Variants in MORC3 observed in about 807,000 individuals in gnomAD.
MORC3 encodes the protein MORC family CW-type zinc finger protein 3.
Under a neutral mutation model 109.1 loss-of-function variants are expected in MORC3, and 31 were observed. The observed-to-expected ratio is 0.28, with a 90% CI of 0.21 to 0.38. MORC3 has a LOEUF of 0.38. MORC3 is among the 10% of genes least tolerant of loss of function. The pLI, the probability that MORC3 is intolerant of heterozygous loss-of-function variation, is 1.00. For synonymous variants in MORC3, 395 were observed against 380.7 expected, an observed-to-expected ratio of 1.04 and a Z score of -0.44; for missense variants, 867 against 1,135.8, an observed-to-expected ratio of 0.76 and a Z score of 3.40.
intron 1 of MORC3, among the ~76,000 whole-genome samples, chr21:36,331,227 C>T (rs1453297627): frequency 6.6e-6 from 1 of 152,164 alleles, no homozygotes; most frequent in African/African-American, 2.4e-5. Context: ...AGGAGAGAAT[C>T]TGTTCAGAAT....
intron 14 of MORC3, among the ~76,000 whole-genome samples, chr21:36,365,908 G>GGA (rs1313436265): frequency 1.3e-5 from 2 of 151,906 alleles, no homozygotes; most frequent in Non-Finnish European, 2.9e-5. Context: ...CCTGTGTATT[G>GGA]GACACTCATT....
intron 10 of MORC3, among the ~76,000 whole-genome samples, chr21:36,359,551 C>T (rs1177837110): frequency 1.4e-5 from 2 of 139,568 alleles, no homozygotes; most frequent in Non-Finnish European, 1.5e-5. Flanking sequence ...CTTTCCTTTC[C>T]TCTCCTTTTT....
At chr21:36,329,300 C>CAA (rs777499520) in intron 1 of MORC3, among the ~76,000 whole-genome samples, 4 of 129,774 alleles carry the variant, frequency 3.1e-5, no homozygotes, top group African/African-American at 1.1e-4. Flanking sequence ...ATCTCAAAAA[C>CAA]AAAAAAAAAA....
chr21:36,332,148 T>A (rs1601512125), intron 1 of MORC3, among the ~76,000 whole-genome samples: 1 of 148,152 alleles, frequency 6.7e-6, no homozygotes, highest in East Asian at 2.0e-4. Flanking sequence ...CTGAAAAAAA[T>A]AAGAGGCTGG....
At chr21:36,374,264 A>G (rs1303384481) in intron 16 of MORC3, among the ~76,000 whole-genome samples, 1 of 151,910 alleles carries the variant, frequency 6.6e-6, no homozygotes, top group African/African-American at 2.4e-5. Flanking sequence ...TACATTTTGT[A>G]TTTTTAGGGA....
intron 1 of MORC3, among the ~76,000 whole-genome samples, chr21:36,328,308 C>G (rs1039253317): frequency 1.5e-5 from 2 of 137,470 alleles, no homozygotes; most frequent in African/African-American, 2.6e-5. Context: ...AGTGGAACAT[C>G]TTTTGTTATT....
At chr21:36,332,207 G>C (rs1052531743) in intron 1 of MORC3, among the ~76,000 whole-genome samples, 1 of 151,928 alleles carries the variant, frequency 6.6e-6, no homozygotes, top group African/African-American at 2.4e-5. Context: ...GGCTGAAGAG[G>C]GTGAATCACT....
At chr21:36,348,280 A>G (rs1289273160) in intron 8 of MORC3, 1 of 152,200 alleles carries the variant, frequency 6.6e-6, no homozygotes, top group African/African-American at 2.4e-5. Flanking sequence ...TTTAACTTTT[A>G]TCTCACAAAC....
At chr21:36,341,271 A>G in intron 5 of MORC3, 128 bp from the exon 6 acceptor site, 1 of 830,814 alleles carries the variant, frequency 1.2e-6, no homozygotes, top group Non-Finnish European at 1.8e-6. Flanking sequence ...TTGCACCCCC[A>G]ACCCCCCACT....
chr21:36,368,965 T>C (rs1393546238), intron 14 of MORC3, 23 bp from the exon 15 acceptor site: 1 of 1,546,874 alleles, frequency 6.5e-7, no homozygotes, highest in East Asian at 2.3e-5. Flanking sequence ...AATCTTATGT[T>C]TTATGTATAA....
At chr21:36,341,644 G>C in intron 6 of MORC3, 98 bp downstream of exon 6, 1 of 1,504,150 alleles carries the variant, frequency 6.6e-7, no homozygotes. Flanking sequence ...AAGGCTGCCA[G>C]TGCTCTCTAA....
chr21:36,354,509 T>TA (rs148719630), intron 9 of MORC3, among the ~76,000 whole-genome samples: 8,699 of 151,972 alleles, frequency 0.057, 784 homozygotes, highest in African/African-American at 0.2. Context: ...TTCCCCATAT[T>TA]GGCCAGGCTG....
rs779342790 is a variant in MORC3 at position 36,359,949 on chromosome 21, G to A, written c.1209-6G>A. 1.2e-6 allele frequency: 2 copies of A among 1,613,992 alleles called. No homozygotes were observed. The highest frequency in any genetic ancestry group is 8.5e-7 in the Non-Finnish European group (1 of 1,179,948). ...GTGTTAATATTTTGTTCTTGTTTTG[G>A]GACAGGAAGCGTCCTGATCAGACAT... On this transcript the variant is annotated splice_region_variant and splice_polypyrimidine_tract_variant and intron_variant, in intron 10 of 16. Transcript: ENST00000400485.
rs138050385 is a variant in MORC3 at position 36,341,719 on chromosome 21, T to TCACA, written c.756+184_756+187dup. Among the ~76,000 whole-genome samples the TCACA allele has an allele frequency of 3.9e-5, 6 of 152,128 alleles. No individual in the cohort carries two copies. The East Asian group carries it at 1.2e-3, about 29-fold the overall frequency. On this transcript the variant is annotated intron_variant, in intron 6 of 16. Coordinates refer to ENST00000400485, the MANE Select transcript of MORC3 (RefSeq NM_015358.3). ...GCCTGGGCAACAGAGTGAGGCTGTA[T>TCACA]CACACACACACACAAATTTAGTTAA...
chr21:36,361,895 G>C, intron 12 of MORC3: 1 of 402,018 alleles, frequency 2.5e-6, no homozygotes, highest in Non-Finnish European at 4.5e-6. Flanking sequence ...AAAAACCTAT[G>C]TGATGTTCTA....
In MORC3 at chr21:36,369,664, C is replaced by A; in HGVS notation, c.2296C>A (p.Pro766Thr). The A allele has an allele frequency of 6.2e-7, 1 of 1,614,124 alleles. No homozygotes were observed. The highest frequency in any genetic ancestry group is 1.3e-5 in the African/African-American group (1 of 75,032). ...LESINGKSES[P>T]DHMVSQYQQA... The stretch of plus-strand genomic sequence containing the variant: ...AAGTATTAATGGCAAATCTGAAAGT[C>A]CAGACCATATGGTATCTCAGTATCA... Residue 766 changes from proline to threonine, a missense_variant, in exon 15 of 17, where the codon CCA (proline) becomes ACA (threonine). By Grantham distance (38) the Pro-to-Thr change is conservative (BLOSUM62 -1). Transcript: ENST00000400485.
intron 1 of MORC3, among the ~76,000 whole-genome samples, chr21:36,323,667 G>A (rs1374555950): frequency 2.0e-5 from 3 of 152,062 alleles, no homozygotes; most frequent in South Asian, 2.1e-4. Context: ...AATTCTTTCC[G>A]AATTTTAAAG....
At chr21:36,370,917 T>C (rs1237319835) in intron 15 of MORC3, among the ~76,000 whole-genome samples, 1 of 151,914 alleles carries the variant, frequency 6.6e-6, no homozygotes, top group Admixed American at 6.6e-5. Flanking sequence ...GATCCACCCA[T>C]CTTGGCCTCC....
At chr21:36,360,557 G>A (rs1407876020) in intron 12 of MORC3, 5 of 393,134 alleles carry the variant, frequency 1.3e-5, no homozygotes, top group Non-Finnish European at 2.3e-5. Flanking sequence ...TTATAGAGAA[G>A]GTGTAACAGA....
Sources: allele counts gnomAD v4.1 joint callset (sites outside exome capture counted in the v4.1 genomes callset), GRCh38; gene constraint gnomAD v4.1.1; transcripts MANE v1.5; gene names NCBI Gene and HGNC (gene_info 2026-07-23, HGNC 2026-07-21).